IGFL2: variants seen among roughly 807,000 people sequenced by gnomAD.
IGFL2 encodes IGF like family member 2, also known as insulin growth factor-like family member 2.
In IGFL2, 7 loss-of-function variants were observed where a neutral mutation model predicts 13.9. The observed-to-expected ratio is 0.51, with a 90% CI of 0.29 to 0.95. The LOEUF (loss-of-function observed/expected upper bound fraction) is 0.95, where lower values mean the gene tolerates loss of function less well. IGFL2 is among the 40% of genes least tolerant of loss of function. The pLI, the probability that IGFL2 is intolerant of heterozygous loss-of-function variation, is 0.08. For synonymous variants in IGFL2, 55 were observed against 55.8 expected (o/e 0.99, Z 0.07); for missense variants, 138 against 147.8 (o/e 0.93, Z 0.34).
the IGFL2 span, among the ~76,000 whole-genome samples, chr19:46,129,307 T>TGTGTGTGTG: frequency 7.3e-6 from 1 of 136,950 alleles, no homozygotes; most frequent in African/African-American, 2.8e-5. Context: ...TGTTGATCTT[T>TGTGTGTGTG]TGTGTGTGTG....
chr19:46,082,352 G>A, the IGFL2 span, among the ~76,000 whole-genome samples: 1 of 152,220 alleles, frequency 6.6e-6, no homozygotes, highest in Non-Finnish European at 1.5e-5. Flanking sequence ...AAAGAGGGTA[G>A]CCTTTTGGGG....
chr19:46,159,299 T>C (rs1436009593), intron 1 of IGFL2: 1 of 152,202 alleles, frequency 6.6e-6, no homozygotes, highest in Non-Finnish European at 1.5e-5. Flanking sequence ...AGAAGGTGTT[T>C]AGTAGAAGGG....
chr19:46,097,610 T>C, the IGFL2 span, among the ~76,000 whole-genome samples: 2 of 152,338 alleles, frequency 1.3e-5, no homozygotes, highest in East Asian at 3.9e-4. Flanking sequence ...AGGGTGTCGA[T>C]TTGAGAGCTT....
At chr19:46,119,998 C>G in the IGFL2 span, 2 of 356,782 alleles carry the variant, frequency 5.6e-6, no homozygotes, top group Non-Finnish European at 1.0e-5. Flanking sequence ...TTGAACAGCT[C>G]GGTGTGACAG....
the IGFL2 span, among the ~76,000 whole-genome samples, chr19:46,188,986 C>G: frequency 6.6e-6 from 1 of 151,922 alleles, no homozygotes. Flanking sequence ...TCCCCATGTG[C>G]GGAGACGAGA....
chr19:46,152,860 G>C (rs539819888), intron 1 of IGFL2, among the ~76,000 whole-genome samples: 1 of 152,244 alleles, frequency 6.6e-6, no homozygotes, highest in East Asian at 1.9e-4. Flanking sequence ...TTCCTAGTTT[G>C]TTCTTTGTAT....
In IGFL2 at chr19:46,161,111, CT is replaced by C; in HGVS notation, c.*26del. On this transcript the variant is annotated 3_prime_UTR_variant, in exon 4 of 4. Coordinates refer to ENST00000377693, the MANE Select transcript of IGFL2 (RefSeq NM_001135113.2). ...TGAGAAGACATAGAAAGAAAATCAA[CT>C]TTCACTAAGGCATCTCAGAAACATA... 6.4e-7 allele frequency: 1 copy of C among 1,572,544 alleles called. No homozygotes were observed. The highest frequency in any genetic ancestry group is 8.7e-7 in the Non-Finnish European group (1 of 1,152,750).
the IGFL2 span, among the ~76,000 whole-genome samples, chr19:46,129,635 G>C: frequency 6.6e-6 from 1 of 151,908 alleles, no homozygotes; most frequent in African/African-American, 2.4e-5. Flanking sequence ...GTCATTCAGG[G>C]GCAGGTTATT....
the IGFL2 span, chr19:46,120,196 C>T: frequency 7.4e-7 from 1 of 1,358,258 alleles, no homozygotes; most frequent in East Asian, 2.7e-5. Flanking sequence ...CTGGGCTCCT[C>T]TCCAAAGCTA....
chr19:46,143,924 A>G (rs1258528656), upstream of IGFL2, among the ~76,000 whole-genome samples: 1 of 152,218 alleles, frequency 6.6e-6, no homozygotes. Flanking sequence ...TGCCCCATGC[A>G]GGCAACCCCA....
the IGFL2 span, chr19:46,204,749 G>T: frequency 2.6e-5 from 4 of 152,208 alleles, no homozygotes; most frequent in African/African-American, 4.8e-5. Context: ...TGACACACAG[G>T]TGCTCGTGTA....
At chr19:46,135,725 G>T in the IGFL2 span, among the ~76,000 whole-genome samples, 1 of 152,214 alleles carries the variant, frequency 6.6e-6, no homozygotes, top group African/African-American at 2.4e-5. Flanking sequence ...GGACAGGCTT[G>T]CAGCCCTGAG....
the IGFL2 span, among the ~76,000 whole-genome samples, chr19:46,126,144 GCTT>G: frequency 6.6e-5 from 10 of 151,418 alleles, no homozygotes; most frequent in Non-Finnish European, 1.2e-4. Context: ...TATTAACAGA[GCTT>G]CTTGCAACAT....
At chr19:46,152,271 T>G (rs1477602965) in intron 1 of IGFL2, among the ~76,000 whole-genome samples, 1 of 151,630 alleles carries the variant, frequency 6.6e-6, no homozygotes, top group South Asian at 2.1e-4. Context: ...CTTAGGTTTT[T>G]TTTTTTTTTT....
At chr19:46,190,386 C>T in the IGFL2 span, 2 of 152,144 alleles carry the variant, frequency 1.3e-5, no homozygotes, top group Admixed American at 1.3e-4. Context: ...AACAGGCTGG[C>T]CAGAGGGTGT....
At chr19:46,080,467 G>A in the IGFL2 span, among the ~76,000 whole-genome samples, 2 of 152,218 alleles carry the variant, frequency 1.3e-5, no homozygotes, top group East Asian at 1.9e-4. Flanking sequence ...AATTCTGTGA[G>A]TCATGGCTTG....
At chr19:46,170,944 C>G in the IGFL2 span, among the ~76,000 whole-genome samples, 1 of 152,132 alleles carries the variant, frequency 6.6e-6, no homozygotes, top group African/African-American at 2.4e-5. Context: ...TCGCCCTGAC[C>G]TTCTGCCCTT....
chr19:46,137,553 C>T, the IGFL2 span: 55 of 1,018,342 alleles, frequency 5.4e-5, no homozygotes, highest in South Asian at 5.3e-4. Flanking sequence ...TCCATGGAAT[C>T]GTCATCCTCC....
chr19:46,198,806 C>T, the IGFL2 span, among the ~76,000 whole-genome samples: 1,961 of 152,258 alleles, frequency 0.013, 43 homozygotes, highest in African/African-American at 0.044. Context: ...GGAGAGCTTC[C>T]GTCCCTCCTG....
Sources: gnomAD v4.1 joint callset for allele counts (sites outside exome capture counted in the v4.1 genomes callset) on GRCh38, gnomAD v4.1.1 for gene constraint, MANE v1.5 for transcripts, NCBI Gene and HGNC (gene_info 2026-07-23, HGNC 2026-07-21) for gene names.